The following CAMKMT variants were observed in gnomAD, a reference collection of about 807,000 sequenced individuals.
CAMKMT encodes calmodulin-lysine N-methyltransferase, also known as CaM KMT.
A neutral mutation model predicts 48.0 loss-of-function variants in CAMKMT; 53 were observed. The ratio of observed to expected loss-of-function variants is 1.10; its 90% CI spans 0.89 to 1.39. The LOEUF (loss-of-function observed/expected upper bound fraction) is 1.39. Among genes scored for constraint, CAMKMT ranks in the 40% most tolerant of loss-of-function variants. The pLI is 0.00. For missense variants in CAMKMT, 428 were observed against 402.7 expected (o/e 1.06, Z -0.54); for synonymous variants, 165 against 152.3 (o/e 1.08, Z -0.61).
At chr2:44,388,208 A>C (rs977675399) in intron 2 of CAMKMT, among the ~76,000 whole-genome samples, 3 of 151,964 alleles carry the variant, frequency 2.0e-5, no homozygotes, top group African/African-American at 7.3e-5. Flanking sequence ...ATATTTTCTT[A>C]TTCTTTTTCT....
intron 3 of CAMKMT, among the ~76,000 whole-genome samples, chr2:44,399,932 A>T (rs545203679): frequency 6.6e-5 from 10 of 152,326 alleles, no homozygotes; most frequent in African/African-American, 2.2e-4. Flanking sequence ...TCTGATTTGG[A>T]TGATAAATTA....
rs186352858 is a variant in CAMKMT at position 44,688,944 on chromosome 2, G to T, written c.377-15339G>T. Among the ~76,000 whole-genome samples, 307 of 152,100 alleles carry T rather than the reference G, an allele frequency of 2.0e-3. 2 individuals are homozygous for T. The highest frequency in any genetic ancestry group is 1.0e-3 in the Non-Finnish European group (70 of 67,992). ...AGGAAACCTTGCATAAATGTGTAGA[G>T]CATGCATTCCACATGGAACACATGG... On this transcript the variant is annotated intron_variant, in intron 3 of 10. Coordinates refer to ENST00000378494, the MANE Select transcript of CAMKMT (RefSeq NM_024766.5).
intron 2 of CAMKMT, among the ~76,000 whole-genome samples, chr2:44,384,081 A>C (rs1680531131): frequency 6.6e-6 from 1 of 152,186 alleles, no homozygotes; most frequent in South Asian, 2.1e-4. Flanking sequence ...ACTAGTTTTC[A>C]TTCCCACCAG....
Position 44,524,597 on chromosome 2 carries a change from A to G in CAMKMT, c.376+134292A>G, listed in dbSNP as rs1438970951. ...TCTTCCCTCATCTTCATCATCAAGC[A>G]GTGTACACTGGACATCCCTTAGCAT... On this transcript the variant is annotated intron_variant, in intron 3 of 10. Coordinates refer to ENST00000378494, the MANE Select transcript of CAMKMT (RefSeq NM_024766.5). Among the ~76,000 whole-genome samples the G allele has an allele frequency of 2.0e-5, 3 of 150,608 alleles. No individual in the cohort carries two copies. In the East Asian group the frequency reaches 5.9e-4, roughly 29 times the overall value.
intron 3 of CAMKMT, among the ~76,000 whole-genome samples, chr2:44,399,999 G>T (rs1276577910): frequency 2.0e-5 from 3 of 152,200 alleles, no homozygotes; most frequent in Non-Finnish European, 1.5e-5. Flanking sequence ...ATTATTTATA[G>T]TCATTTATAA....
intron 3 of CAMKMT, among the ~76,000 whole-genome samples, chr2:44,490,039 G>GT (rs1669411662): frequency 6.6e-6 from 1 of 151,880 alleles, no homozygotes; most frequent in Admixed American, 6.6e-5. Flanking sequence ...TATGGGCAAT[G>GT]TTTCACTGTT....
intron 3 of CAMKMT, among the ~76,000 whole-genome samples, chr2:44,500,686 C>CTTT (rs528633654): frequency 7.2e-6 from 1 of 138,306 alleles, no homozygotes; most frequent in Non-Finnish European, 1.6e-5. Context: ...TTCTCAGATA[C>CTTT]TTTTTTTTTT....
At chr2:44,395,111 G>T (rs1681710101) in intron 3 of CAMKMT, 6 of 377,552 alleles carry the variant, frequency 1.6e-5, no homozygotes, top group Admixed American at 3.4e-5. Flanking sequence ...TGGAAATATG[G>T]TCTAAATTTT....
intron 3 of CAMKMT, among the ~76,000 whole-genome samples, chr2:44,466,286 G>C (rs906490661): frequency 6.6e-6 from 1 of 151,966 alleles, no homozygotes. Context: ...CATCAAAAGC[G>C]GTCTTAACAA....
intron 9 of CAMKMT, among the ~76,000 whole-genome samples, chr2:44,764,065 G>C (rs1680731561): frequency 6.6e-6 from 1 of 151,212 alleles, no homozygotes; most frequent in African/African-American, 2.4e-5. Flanking sequence ...TTGCTGTCCT[G>C]CCGAGACCAT....
chr2:44,431,799 A>T (rs1036337651), intron 3 of CAMKMT, among the ~76,000 whole-genome samples: 4 of 152,136 alleles, frequency 2.6e-5, no homozygotes, highest in African/African-American at 9.7e-5. Context: ...ATGAAAACCA[A>T]GTGGTAATAG....
At chr2:44,640,449 C>T (rs1386528367) in intron 3 of CAMKMT, among the ~76,000 whole-genome samples, 1 of 152,184 alleles carries the variant, frequency 6.6e-6, no homozygotes, top group Non-Finnish European at 1.5e-5. Flanking sequence ...AATTTAACCG[C>T]ATGGGCTTTG....
At chr2:44,601,316 C>T (rs1670972952) in intron 3 of CAMKMT, among the ~76,000 whole-genome samples, 1 of 151,964 alleles carries the variant, frequency 6.6e-6, no homozygotes, top group African/African-American at 2.4e-5. Context: ...ATTAGCCAGG[C>T]ATGGTGGTAC....
intron 3 of CAMKMT, among the ~76,000 whole-genome samples, chr2:44,576,040 TG>T: frequency 6.6e-6 from 1 of 151,376 alleles, no homozygotes; most frequent in East Asian, 1.9e-4. Context: ...AGAACGCAGG[TG>T]GGAGGCTGGG....
At chr2:44,506,971 C>T (rs1051604026) in intron 3 of CAMKMT, among the ~76,000 whole-genome samples, 14 of 152,068 alleles carry the variant, frequency 9.2e-5, no homozygotes, top group Middle Eastern at 3.4e-3. Flanking sequence ...CGTTTTAATT[C>T]GAAAAGCTCA....
At chr2:44,710,877 T>C (rs1010372107) in intron 6 of CAMKMT, among the ~76,000 whole-genome samples, 4 of 152,196 alleles carry the variant, frequency 2.6e-5, no homozygotes, top group Non-Finnish European at 5.9e-5. Context: ...AGTAAACATC[T>C]AGCAGTTCTA....
At chr2:44,499,905 T>G (rs1669928535) in intron 3 of CAMKMT, among the ~76,000 whole-genome samples, 1 of 151,326 alleles carries the variant, frequency 6.6e-6, no homozygotes, top group Non-Finnish European at 1.5e-5. Context: ...GACATTGGGT[T>G]TATACCTTGG....
intron 3 of CAMKMT, among the ~76,000 whole-genome samples, chr2:44,588,845 G>T (rs1417941524): frequency 2.9e-5 from 1 of 33,988 alleles, no homozygotes; most frequent in Non-Finnish European, 6.1e-5. Context: ...CCCCCCGCCC[G>T]GCCAGCCGCC....
intron 3 of CAMKMT, among the ~76,000 whole-genome samples, chr2:44,626,968 A>G (rs933413590): frequency 6.6e-6 from 1 of 152,152 alleles, no homozygotes; most frequent in Non-Finnish European, 1.5e-5. Context: ...TAGGATAGGG[A>G]TTTAGTGTTT....
Sources: allele counts gnomAD v4.1 joint callset (sites outside exome capture counted in the v4.1 genomes callset), GRCh38; gene constraint gnomAD v4.1.1; transcripts MANE v1.5; gene names NCBI Gene and HGNC (gene_info 2026-07-23, HGNC 2026-07-21).